Variants in GPR39 observed in about 807,000 individuals in gnomAD.
The protein encoded by GPR39 is zinc sensing receptor.
Under a neutral mutation model 18.4 loss-of-function variants are expected in GPR39, and 23 were observed. The ratio of observed to expected loss-of-function variants is 1.25; its 90% confidence interval spans 0.90 to 1.77. GPR39 has a LOEUF of 1.77. GPR39 is among the 40% of genes most tolerant of loss of function. GPR39 has a pLI of 0.00. For missense variants in GPR39, 647 were observed against 602.4 expected, an observed-to-expected ratio of 1.07 and a Z score of -0.78; for synonymous variants, 280 against 257.9, an observed-to-expected ratio of 1.09 and a Z score of -0.82.
rs1427038341 is a variant in GPR39 at position 132,468,899 on chromosome 2, G to T, written c.856+51001G>T. Among the ~76,000 whole-genome samples, 3 of 152,208 alleles carry T rather than the reference G, an allele frequency of 2.0e-5. No homozygotes were observed. The East Asian group carries it at 5.8e-4, about 29-fold the overall frequency. ...CCCAGGTGAGATACATTGTCACGTA[G>T]GCAGTCATTTCAGGATTGCAGGAAG... On this transcript the variant is annotated intron_variant, in intron 1 of 1. Coordinates refer to ENST00000329321, the MANE Select transcript of GPR39 (RefSeq NM_001508.3).
At chr2:132,470,488 C>T (rs954940672) in intron 1 of GPR39, among the ~76,000 whole-genome samples, 2 of 151,940 alleles carry the variant, frequency 1.3e-5, no homozygotes, top group Non-Finnish European at 2.9e-5. Context: ...ACAAAATGAA[C>T]GGGGCAAGTA....
At chr2:132,623,619 A>G (rs1221479696) in intron 1 of GPR39, among the ~76,000 whole-genome samples, 1 of 152,176 alleles carries the variant, frequency 6.6e-6, no homozygotes, top group African/African-American at 2.4e-5. Context: ...CTCCTCACTA[A>G]CTAGCTGTGT....
At chr2:132,428,796 T>C in intron 1 of GPR39, among the ~76,000 whole-genome samples, 1 of 152,222 alleles carries the variant, frequency 6.6e-6, no homozygotes, top group East Asian at 1.9e-4. Flanking sequence ...TCACTTGTTG[T>C]GTAGTTGTAA....
In GPR39 at chr2:132,585,948, GTT is replaced by G. The variant is rs397985921; in HGVS notation, c.857-59130_857-59129del. On this transcript the variant is annotated intron_variant, in intron 1 of 1. Transcript: ENST00000329321. The stretch of plus-strand genomic sequence containing the variant: ...GATCGGGCTTCTCGAAGCATCCCCG[GTT>G]TTTTTTTTTTTTTTTTTTTTTTAAT... 7.9e-3 allele frequency among the ~76,000 whole-genome samples: 496 copies of G among 62,936 alleles called. 4 individuals carry two copies. The highest frequency in any genetic ancestry group is 0.02 in the Middle Eastern group (1 of 50). 41.3% of individuals were successfully genotyped at this position (62,936 alleles called of 152,430 possible).
chr2:132,485,737 A>G (rs796565299), intron 1 of GPR39, among the ~76,000 whole-genome samples: 35 of 152,294 alleles, frequency 2.3e-4, no homozygotes, highest in African/African-American at 8.2e-4. Context: ...TAGTTCCCTT[A>G]CTATTTCCAC....
At chr2:132,550,887 A>T (rs1269303575) in intron 1 of GPR39, among the ~76,000 whole-genome samples, 1 of 152,118 alleles carries the variant, frequency 6.6e-6, no homozygotes, top group Admixed American at 6.6e-5. Context: ...TTTCCCATAG[A>T]TTTTTACCAT....
intron 1 of GPR39, among the ~76,000 whole-genome samples, chr2:132,626,419 C>T (rs191905544): frequency 2.4e-4 from 37 of 152,304 alleles, no homozygotes; most frequent in African/African-American, 8.7e-4. Flanking sequence ...GATAATAAGG[C>T]TGCACTACAG....
intron 1 of GPR39, among the ~76,000 whole-genome samples, chr2:132,450,443 C>T (rs938977659): frequency 6.6e-6 from 1 of 152,220 alleles, no homozygotes; most frequent in African/African-American, 2.4e-5. Context: ...CATTTTTTAA[C>T]ATATTTACCT....
intron 1 of GPR39, among the ~76,000 whole-genome samples, chr2:132,450,099 A>G (rs982579004): frequency 1.3e-5 from 2 of 152,312 alleles, no homozygotes; most frequent in East Asian, 1.9e-4. Context: ...GTCTGTTCCA[A>G]TATACTTTGC....
intron 1 of GPR39, among the ~76,000 whole-genome samples, chr2:132,584,056 G>A (rs1051989111): frequency 7.2e-5 from 11 of 152,040 alleles, no homozygotes; most frequent in Non-Finnish European, 1.6e-4. Flanking sequence ...GTTGCTGCAG[G>A]TAGGAAGTTT....
intron 1 of GPR39, among the ~76,000 whole-genome samples, chr2:132,446,148 A>G (rs766604670): frequency 1.9e-4 from 29 of 152,380 alleles, no homozygotes; most frequent in East Asian, 5.8e-4. Flanking sequence ...ATTGGCATAG[A>G]GATCTCTAGA....
chr2:132,440,823 A>G (rs1277944557), intron 1 of GPR39, among the ~76,000 whole-genome samples: 1 of 152,218 alleles, frequency 6.6e-6, no homozygotes, highest in Non-Finnish European at 1.5e-5. Flanking sequence ...CAGTTGCAAC[A>G]AGACCCAGGA....
At chr2:132,469,174 G>A (rs1680984939) in intron 1 of GPR39, among the ~76,000 whole-genome samples, 1 of 152,130 alleles carries the variant, frequency 6.6e-6, no homozygotes, top group Admixed American at 6.5e-5. Context: ...CTCTGAGTGG[G>A]GCCAGAGGCC....
intron 1 of GPR39, among the ~76,000 whole-genome samples, chr2:132,628,551 A>T (rs1332682725): frequency 1.3e-5 from 2 of 152,194 alleles, no homozygotes; most frequent in African/African-American, 4.8e-5. Context: ...CTTTAGAGCG[A>T]CCTGAAACTA....
At chr2:132,479,769 C>T (rs539143592) in intron 1 of GPR39, among the ~76,000 whole-genome samples, 1 of 152,270 alleles carries the variant, frequency 6.6e-6, no homozygotes, top group African/African-American at 2.4e-5. Context: ...TAAAATGGTA[C>T]AGCCACTGTG....
At chr2:132,629,879 G>C (rs772490447) in intron 1 of GPR39, among the ~76,000 whole-genome samples, 4 of 152,154 alleles carry the variant, frequency 2.6e-5, no homozygotes, top group Non-Finnish European at 5.9e-5. Context: ...CTTGAACTTG[G>C]TGGACACCCT....
chr2:132,494,819 GA>G (rs1681608063), intron 1 of GPR39, among the ~76,000 whole-genome samples: 1 of 152,018 alleles, frequency 6.6e-6, no homozygotes. Flanking sequence ...TTCTTATCCA[GA>G]GTGCAGTTTC....
At position 132,645,986 on chromosome 2, in the gene GPR39, G is replaced by A. The variant is rs1682049369; in HGVS notation, c.*380G>A. ...CAGAAGAAACTCACTCAGGGAGGTG[G>A]GGGGTTGGGGGCGAGGGCTGGAAGA... On this transcript the variant is annotated 3_prime_UTR_variant, in exon 2 of 2. Coordinates refer to ENST00000329321, the MANE Select transcript of GPR39 (RefSeq NM_001508.3). 1 of 1,307,910 alleles carries A rather than the reference G, an allele frequency of 7.6e-7. No homozygotes were observed. Among genetic ancestry groups the A allele is most frequent in the Non-Finnish European group, 1.0e-6 (1 of 958,674 alleles). The allele number at this position is 1,307,910 out of a possible 1,614,324, so 81.0% of individuals were successfully genotyped here.
chr2:132,625,507 CA>C (rs1427386863), intron 1 of GPR39, among the ~76,000 whole-genome samples: 41 of 152,240 alleles, frequency 2.7e-4, no homozygotes, highest in Admixed American at 2.7e-3. Flanking sequence ...GACTTCTCGG[CA>C]CATAGTGCAT....
Sources: allele counts gnomAD v4.1 joint callset (sites outside exome capture counted in the v4.1 genomes callset), GRCh38; gene constraint gnomAD v4.1.1; transcripts MANE v1.5; gene names NCBI Gene and HGNC (gene_info 2026-07-23, HGNC 2026-07-21).